CELSR2: variants seen among roughly 807,000 people sequenced by gnomAD.
The protein encoded by CELSR2 is cadherin EGF LAG seven-pass G-type receptor 2, also known as EGF-like protein 2.
Under a neutral mutation model 251.6 loss-of-function variants are expected in CELSR2, and 81 were observed. The ratio of observed to expected loss-of-function variants is 0.32; its 90% CI spans 0.27 to 0.39. CELSR2 has a LOEUF of 0.39. Ranked by LOEUF, CELSR2 falls within the 10% of genes least tolerant of loss-of-function variation. The pLI is 1.00. For synonymous variants in CELSR2, 1,721 were observed against 1,670.5 expected (o/e 1.03, Z -0.74); for missense variants, 3,365 against 3,947.7 (o/e 0.85, Z 3.96).
At chr1:109,253,971 C>T (rs982061206) in intron 1 of CELSR2, among the ~76,000 whole-genome samples, 1 of 152,224 alleles carries the variant, frequency 6.6e-6, no homozygotes, top group African/African-American at 2.4e-5. Flanking sequence ...CATTCTTTTC[C>T]CTCCAGGCAG....
In CELSR2 at chr1:109,252,584, G is replaced by T; in HGVS notation, c.2505G>T (p.Leu835=). The change falls in exon 1 of 34, where the codon CTG becomes CTT. Residue 835 remains leucine, a synonymous_variant. Transcript: ENST00000271332. The surrounding 1 kb of genome is among the most constrained non-coding windows in gnomAD (Gnocchi z 4.8). ...ATGTGCCACCCTTCACTAGCGTCCTGCAGATCTCAGCCACTGATCGTGATT... is the reference window on the plus strand; with the variant it reads ...ATGTGCCACCCTTCACTAGCGTCCTTCAGATCTCAGCCACTGATCGTGATT... ...YEDVPPFTSV[L]QISATDRDSG... is the part of the protein sequence containing the mutation. The T allele has an allele frequency of 6.2e-7, 1 of 1,613,898 alleles. No individual in the cohort carries two copies. Among genetic ancestry groups the T allele is most frequent in the Non-Finnish European group, 8.5e-7 (1 of 1,180,042 alleles).
In CELSR2 at chr1:109,249,595, G is replaced by C. The variant is rs1233221771; in HGVS notation, c.-485G>C. 1.3e-5 allele frequency among the ~76,000 whole-genome samples: 2 copies of C among 148,506 alleles called. No individual in the cohort carries two copies. The highest frequency in any genetic ancestry group is 3.0e-5 in the Non-Finnish European group (2 of 66,904). On this transcript the variant is annotated 5_prime_UTR_variant, in exon 1 of 34. Transcript: ENST00000271332. The stretch of plus-strand genomic sequence containing the variant: ...GGAGCGCGGGGCTGGGCCCGGGGCC[G>C]CGGCGACAGGCAGCAGCCGCGGCGG...
At position 109,273,262 on chromosome 1, in the gene CELSR2, G is replaced by A. The variant is rs778529562; in HGVS notation, c.8435G>A (p.Arg2812Gln). 4.5e-5 allele frequency: 72 copies of A among 1,611,014 alleles called. No homozygotes were observed. Among genetic ancestry groups the A allele is most frequent in the Middle Eastern group, 1.6e-4 (1 of 6,068 alleles). ...AACGGGGCCCCTGAGGAGCGGCTGC[G>A]GGAGAATGGAGATGCCCTGTCTCGA... ...SGNGAPEERL[R>Q]ENGDALSREG... Residue 2812 changes from arginine to glutamine, a missense_variant, in exon 32 of 34, where the codon CGG (arginine) becomes CAG (glutamine). Arg to Gln is a conservative substitution (Grantham distance 43, BLOSUM62 1). Coordinates refer to ENST00000271332, the MANE Select transcript of CELSR2 (RefSeq NM_001408.3).
intron 15 of CELSR2, 142 bp downstream of exon 15, chr1:109,266,348 G>T: frequency 1.0e-6 from 1 of 956,460 alleles, no homozygotes; most frequent in Non-Finnish European, 1.5e-6. Context: ...CATCTTCCTT[G>T]GTTCACATTC....
At chr1:109,267,209 C>T (rs1656224005) in intron 15 of CELSR2, among the ~76,000 whole-genome samples, 1 of 151,942 alleles carries the variant, frequency 6.6e-6, no homozygotes, top group Non-Finnish European at 1.5e-5. Flanking sequence ...CCAGGACACC[C>T]AGCCCAGGAT....
rs1570775670 is a variant in CELSR2, at chr1:109,252,740, T to C, written c.2661T>C (p.Tyr887=). 6.2e-7 allele frequency: 1 copy of C among 1,614,046 alleles called. No homozygotes were observed. The highest frequency in any genetic ancestry group is 1.1e-5 in the South Asian group (1 of 91,088). Reference sequence around the variant, plus strand: ...TGGATCGAGAGAACGTGGCCCAGTATGTCTTGCGGGCATATGCAGTGGACA... The same window carrying C: ...TGGATCGAGAGAACGTGGCCCAGTACGTCTTGCGGGCATATGCAGTGGACA... ...RRLDRENVAQ[Y]VLRAYAVDKG... is the part of the protein sequence containing the mutation. The change falls in exon 1 of 34, where the codon TAT becomes TAC. Residue 887 remains tyrosine (Y), a synonymous_variant. Transcript: ENST00000271332. The surrounding 1 kb of genome is among the most constrained non-coding windows in gnomAD (Gnocchi z 4.8).
At position 109,270,421 on chromosome 1, in the gene CELSR2, C is replaced by G; in HGVS notation, c.7309-5C>G. ...TCGCTGACCTGCCCTGGCCTGGGCC[C>G]TCAGTTTGCCTGCACAGTCATTGCC... is the stretch of plus-strand genomic sequence containing the variant. On this transcript the variant is annotated splice_polypyrimidine_tract_variant and splice_region_variant and intron_variant, in intron 23 of 33. Transcript: ENST00000271332. The G allele has an allele frequency of 6.2e-7, 1 of 1,614,110 alleles. No homozygotes were observed. The highest frequency in any genetic ancestry group is 8.5e-7 in the Non-Finnish European group (1 of 1,180,006).
chr1:109,258,047 G>C (rs1170244459), intron 1 of CELSR2, among the ~76,000 whole-genome samples: 1 of 152,068 alleles, frequency 6.6e-6, no homozygotes, highest in African/African-American at 2.4e-5. Context: ...AGGTGTAGAG[G>C]CTGAGGGGGC....
At chr1:109,259,181 G>T (rs1655948581) in intron 2 of CELSR2, 102 bp downstream of exon 2, 1 of 1,041,088 alleles carries the variant, frequency 9.6e-7, no homozygotes, top group African/African-American at 1.6e-5. Flanking sequence ...TTCTCTTCCC[G>T]AGTGAGGTGC....
Position 109,251,142 on chromosome 1 carries a change from G to A in CELSR2, c.1063G>A (p.Val355Met). The change falls in exon 1 of 34, where the codon GTG (valine) becomes ATG (methionine). Residue 355 changes from valine to methionine, a missense_variant. Physicochemically the swap from Val to Met is conservative, Grantham distance 21. Transcript: ENST00000271332. The surrounding 1 kb of genome is among the most constrained non-coding windows in gnomAD (Gnocchi z 4.9). ...RSGVIRTRGPVDREEVESYQL... is the reference protein window; with the variant it reads ...RSGVIRTRGPMDREEVESYQL... ...TGGGGTGATCCGAACCCGTGGCCCT[G>A]TGGATCGGGAAGAGGTGGAATCCTA... The A allele has an allele frequency of 2.5e-6, 4 of 1,613,276 alleles. No individual in the cohort carries two copies. Among genetic ancestry groups the A allele is most frequent in the Non-Finnish European group, 3.4e-6 (4 of 1,179,996 alleles).
chr1:109,270,163 C>T lies in CELSR2; in HGVS notation c.7308+30C>T, dbSNP rs745956102. 9 of 1,607,622 alleles carry T rather than the reference C, an allele frequency of 5.6e-6. No individual in the cohort carries two copies. The East Asian group carries it at 1.6e-4, about 28-fold the overall frequency. On this transcript the variant is annotated intron_variant, in intron 23 of 33. Coordinates refer to ENST00000271332, the MANE Select transcript of CELSR2 (RefSeq NM_001408.3). ...GATGCTCCTACTGCCCAGAAACTGT[C>T]CCCACCTTCTCAGGCCGCCTCCCCA...
At position 109,250,894 on chromosome 1, in the gene CELSR2, T is replaced by G; in HGVS notation, c.815T>G (p.Leu272Arg). ...QDHGMPRRSA[L>R]ATLTILVTDT... ...CACGGCATGCCCCGACGAAGTGCCCTGGCTACACTCACCATCTTGGTTACT... is the reference window on the plus strand; with the variant it reads ...CACGGCATGCCCCGACGAAGTGCCCGGGCTACACTCACCATCTTGGTTACT... Residue 272 changes from leucine (L) to arginine (R), a missense_variant, in exon 1 of 34, where the codon CTG (leucine) becomes CGG (arginine). This residue lies in a region of CELSR2 where 704 missense variants were observed against 784.1 expected (regional missense o/e 0.90). Coordinates refer to ENST00000271332, the MANE Select transcript of CELSR2 (RefSeq NM_001408.3). This position sits in a 1 kb window ranked among gnomAD's most constrained non-coding sequence, Gnocchi z 4.4. 6.2e-7 allele frequency: 1 copy of G among 1,613,994 alleles called. No individual in the cohort carries two copies. The highest frequency in any genetic ancestry group is 8.5e-7 in the Non-Finnish European group (1 of 1,180,036).
intron 1 of CELSR2, 41 bp from the exon 2 acceptor site, chr1:109,258,391 T>C (rs756949901): frequency 2.7e-6 from 4 of 1,456,478 alleles, no homozygotes; most frequent in Non-Finnish European, 2.8e-6. Context: ...CAGGCTGAAT[T>C]GCAGCCCCAG....
In CELSR2 at chr1:109,252,720, C is replaced by T. The variant is rs150322062; in HGVS notation, c.2641C>T (p.Arg881Ter). 1 of 1,614,014 alleles carries T rather than the reference C, an allele frequency of 6.2e-7. No homozygotes were observed. The highest frequency in any genetic ancestry group is 8.5e-7 in the Non-Finnish European group (1 of 1,180,028). ...CGTGCGAACGCTACGGAGGCTGGATCGAGAGAACGTGGCCCAGTATGTCTT... is the reference window on the plus strand; with the variant it reads ...CGTGCGAACGCTACGGAGGCTGGATTGAGAGAACGTGGCCCAGTATGTCTT... Reference protein sequence around the residue: ...GIVRTLRRLDRENVAQYVLRA... With the variant: ...GIVRTLRRLD Residue 881 changes from arginine (R) to a stop codon, truncating the protein, a stop_gained, in exon 1 of 34, where the codon CGA becomes TGA. Coordinates refer to ENST00000271332, the MANE Select transcript of CELSR2 (RefSeq NM_001408.3). LOFTEE classifies it high-confidence loss of function. This position sits in a 1 kb window ranked among gnomAD's most constrained non-coding sequence, Gnocchi z 4.8.
At chr1:109,255,395 C>T (rs980903924) in intron 1 of CELSR2, among the ~76,000 whole-genome samples, 9 of 152,190 alleles carry the variant, frequency 5.9e-5, no homozygotes, top group African/African-American at 2.2e-4. Context: ...GTTTGGTCTC[C>T]GTGTTTGTGC....
chr1:109,258,397 C>G (rs780196801), intron 1 of CELSR2, 35 bp from the exon 2 acceptor site: 9 of 1,488,174 alleles, frequency 6.0e-6, no homozygotes, highest in South Asian at 1.4e-5. Context: ...GAATTGCAGC[C>G]CCAGGCTGGG....
chr1:109,270,750 C>G, intron 24 of CELSR2, 150 bp downstream of exon 24: 1 of 1,128,708 alleles, frequency 8.9e-7, no homozygotes, highest in Non-Finnish European at 1.3e-6. Flanking sequence ...TTAACCCAGA[C>G]TCTGCAGCCG....
rs1230880086 is a variant in CELSR2, at chr1:109,262,985, G to T, written c.4708+16G>T. ...ACCGTGCCTGGTATGGGGGCCCGGGGTGGAGCCAGGCTGGGATCCCAGTGC... is the reference window on the plus strand; with the variant it reads ...ACCGTGCCTGGTATGGGGGCCCGGGTTGGAGCCAGGCTGGGATCCCAGTGC... On this transcript the variant is annotated intron_variant, in intron 7 of 33. Transcript: ENST00000271332. 6.2e-7 allele frequency: 1 copy of T among 1,608,102 alleles called. No homozygotes were observed. The highest frequency in any genetic ancestry group is 8.5e-7 in the Non-Finnish European group (1 of 1,175,468).
chr1:109,272,254 C>A, intron 28 of CELSR2, 24 bp from the exon 29 acceptor site: 1 of 1,547,712 alleles, frequency 6.5e-7, no homozygotes. Flanking sequence ...TCCCCACTTA[C>A]TGACCTCTCT....
Sources: gnomAD v4.1 joint callset for allele counts (sites outside exome capture counted in the v4.1 genomes callset) on GRCh38, gnomAD v4.1.1 for gene constraint, gnomAD v4.1.1 regional missense constraint, Gnocchi (gnomAD v3.1) non-coding constraint, MANE v1.5 for transcripts, NCBI Gene and HGNC (gene_info 2026-07-23, HGNC 2026-07-21) for gene names.